The following SUPT3H variants were observed in gnomAD, a reference collection of about 807,000 sequenced individuals.
The protein encoded by SUPT3H is SPT3 homolog, SAGA and STAGA complex component.
A neutral mutation model predicts 44.3 loss-of-function variants in SUPT3H; 44 were observed. The observed-to-expected ratio is 0.99, with a 90% CI of 0.78 to 1.28. The LOEUF is 1.28. Ranked by LOEUF, SUPT3H falls within the 50% of genes most tolerant of loss-of-function variation. SUPT3H has a pLI of 0.00. For synonymous variants in SUPT3H, 124 were observed against 125.6 expected (o/e 0.99, Z 0.09); for missense variants, 380 against 387.1 (o/e 0.98, Z 0.15).
chr6:44,978,874 G>GAAACA (rs1778707701), intron 6 of SUPT3H, among the ~76,000 whole-genome samples: 1 of 152,098 alleles, frequency 6.6e-6, no homozygotes, highest in South Asian at 2.1e-4. Flanking sequence ...ATGCAGATTA[G>GAAACA]AAACAAAACA....
At chr6:44,832,716 A>C (rs549200191) in intron 10 of SUPT3H, among the ~76,000 whole-genome samples, 5 of 152,118 alleles carry the variant, frequency 3.3e-5, no homozygotes, top group Non-Finnish European at 5.9e-5. Flanking sequence ...TTGAGGACCC[A>C]ATTTTTGACA....
chr6:45,190,964 G>A (rs1815027850), intron 2 of SUPT3H, among the ~76,000 whole-genome samples: 1 of 152,050 alleles, frequency 6.6e-6, no homozygotes, highest in Non-Finnish European at 1.5e-5. Context: ...CACTGCTGGT[G>A]GGAATGTAAA....
intron 3 of SUPT3H, among the ~76,000 whole-genome samples, chr6:45,090,391 C>T (rs1031546362): frequency 1.3e-5 from 2 of 151,854 alleles, no homozygotes; most frequent in African/African-American, 4.8e-5. Flanking sequence ...CTTTCAGTTC[C>T]TGACTAGCAT....
intron 2 of SUPT3H, among the ~76,000 whole-genome samples, chr6:45,174,845 T>A (rs1428865726): frequency 6.6e-6 from 1 of 151,674 alleles, no homozygotes; most frequent in Non-Finnish European, 1.5e-5. Context: ...CTATCTGAAG[T>A]ATCTTCATTA....
At chr6:45,330,854 T>C (rs1481952616) in intron 2 of SUPT3H, among the ~76,000 whole-genome samples, 1 of 151,882 alleles carries the variant, frequency 6.6e-6, no homozygotes, top group East Asian at 1.9e-4. Context: ...CTCAGACTAA[T>C]TACAGGTGAG....
chr6:44,954,617 T>A lies in SUPT3H; in HGVS notation c.581-10A>T. On this transcript the variant is annotated splice_polypyrimidine_tract_variant and intron_variant, in intron 7 of 10. Transcript: ENST00000371459. ...TTGGAAGCTTTTTTGGCTGGCCATTTAAAAAAAACAAGTGCAGAAATTTTA... is the reference window on the plus strand; with the variant it reads ...TTGGAAGCTTTTTTGGCTGGCCATTAAAAAAAAACAAGTGCAGAAATTTTA... The A allele has an allele frequency of 6.4e-7, 1 of 1,568,038 alleles. No homozygotes were observed.
At chr6:44,824,766 A>AACT (rs1307741667), downstream of SUPT3H, among the ~76,000 whole-genome samples, 15 of 152,316 alleles carry the variant, frequency 9.8e-5, no homozygotes, top group African/African-American at 3.6e-4. Context: ...AGCTGCTGCT[A>AACT]ACTACTGAGT....
chr6:45,163,196 A>C (rs1809321878), intron 2 of SUPT3H, among the ~76,000 whole-genome samples: 2 of 152,218 alleles, frequency 1.3e-5, no homozygotes, highest in South Asian at 4.1e-4. Flanking sequence ...AAAGCTTTGC[A>C]TTGCATTACT....
Position 45,106,015 on chromosome 6 carries a change from T to C in SUPT3H, c.102-9A>G. 6.2e-7 allele frequency: 1 copy of C among 1,610,176 alleles called. No individual in the cohort carries two copies. The stretch of plus-strand genomic sequence containing the variant: ...CATCACCTAAAGAATACCTGCAAAA[T>C]AATTTTAAACACACCAATATTAAGG... On this transcript the variant is annotated splice_polypyrimidine_tract_variant and intron_variant, in intron 2 of 10. Transcript: ENST00000371459.
At chr6:45,028,584 T>C (rs2153522419) in intron 3 of SUPT3H, among the ~76,000 whole-genome samples, 1 of 152,182 alleles carries the variant, frequency 6.6e-6, no homozygotes, top group African/African-American at 2.4e-5. Context: ...ACTACCCGTA[T>C]TTAACAGGAA....
rs535278409 is a variant in SUPT3H at position 44,859,665 on chromosome 6, CA to C, written c.913-29809del. ...CTCTCCTAGGGTCCTGTCCGAAATT[CA>C]AGGATTTAAAAAAGTAAAAATGAAC... On this transcript the variant is annotated intron_variant, in intron 10 of 10. Coordinates refer to ENST00000371459, the MANE Select transcript of SUPT3H (RefSeq NM_003599.4). Among the ~76,000 whole-genome samples the C allele has an allele frequency of 3.3e-4, 50 of 152,172 alleles. No individual in the cohort carries two copies. In the South Asian group the frequency reaches 3.9e-3, roughly 12 times the overall value.
intron 2 of SUPT3H, among the ~76,000 whole-genome samples, chr6:45,282,130 A>G (rs1020249805): frequency 6.6e-6 from 1 of 152,120 alleles, no homozygotes; most frequent in African/African-American, 2.4e-5. Flanking sequence ...AAACCACAAA[A>G]ATGGGGAAAA....
chr6:45,245,287 A>T (rs1050315459), intron 2 of SUPT3H, among the ~76,000 whole-genome samples: 1 of 152,132 alleles, frequency 6.6e-6, no homozygotes, highest in Non-Finnish European at 1.5e-5. Flanking sequence ...GTGTGGTAAA[A>T]TATTCATAAC....
chr6:45,068,601 T>G (rs957070813), intron 3 of SUPT3H, among the ~76,000 whole-genome samples: 47 of 152,222 alleles, frequency 3.1e-4, no homozygotes, highest in Non-Finnish European at 2.2e-4. Context: ...TCCACTTTAT[T>G]TTTGGCAATC....
chr6:44,928,464 G>A (rs1582551771), intron 10 of SUPT3H, among the ~76,000 whole-genome samples: 1 of 152,258 alleles, frequency 6.6e-6, no homozygotes, highest in Non-Finnish European at 1.5e-5. Context: ...TTTGAAGCTA[G>A]GGGTTGGAAG....
intron 9 of SUPT3H, among the ~76,000 whole-genome samples, chr6:44,947,161 G>A (rs1283200699): frequency 6.6e-6 from 1 of 152,162 alleles, no homozygotes; most frequent in Non-Finnish European, 1.5e-5. Flanking sequence ...ATAGACTACA[G>A]TATAGCGTAA....
intron 3 of SUPT3H, among the ~76,000 whole-genome samples, chr6:45,093,556 CA>C (rs1379675921): frequency 1.3e-5 from 2 of 151,880 alleles, no homozygotes; most frequent in Non-Finnish European, 2.9e-5. Context: ...AGTTCAGATA[CA>C]GAGGAGAAAA....
chr6:44,903,606 G>A (rs1765477746), intron 10 of SUPT3H, among the ~76,000 whole-genome samples: 1 of 152,132 alleles, frequency 6.6e-6, no homozygotes, highest in South Asian at 2.1e-4. Flanking sequence ...AGAGGTACAA[G>A]TAGGAGCTGC....
intron 2 of SUPT3H, among the ~76,000 whole-genome samples, chr6:45,192,265 T>C (rs12191566): frequency 0.23 from 34,557 of 152,052 alleles, 4,606 homozygotes; most frequent in Non-Finnish European, 0.31. Flanking sequence ...GGCTGTAATA[T>C]AGATTTTGCA....
Sources: allele counts gnomAD v4.1 joint callset (sites outside exome capture counted in the v4.1 genomes callset), GRCh38; gene constraint gnomAD v4.1.1; transcripts MANE v1.5; gene names NCBI Gene and HGNC (gene_info 2026-07-23, HGNC 2026-07-21).